Variants in SORCS2 observed in about 807,000 individuals in gnomAD.
SORCS2 encodes VPS10 domain-containing receptor SorCS2.
A neutral mutation model predicts 141.6 loss-of-function variants in SORCS2; 100 were observed. That is an observed-to-expected ratio of 0.71 (90% CI 0.60 to 0.83). The LOEUF (loss-of-function observed/expected upper bound fraction) is 0.83, where lower values mean the gene tolerates loss of function less well. Ranked by LOEUF, SORCS2 falls within the 40% of genes least tolerant of loss-of-function variation. The probability of loss-of-function intolerance (pLI) is 0.00; values close to 1 mark genes in which losing one functional copy is unlikely to be tolerated. For synonymous variants in SORCS2, 789 were observed against 676.9 expected (o/e 1.17, Z -2.57); for missense variants, 1,646 against 1,560.2 (o/e 1.05, Z -0.93).
In SORCS2 at chr4:7,697,205, G is replaced by A. The variant is rs368360052; in HGVS notation, c.1599G>A (p.Leu533=). ...APGLIMGAGN[L]GSQLVEYKEE... Reference sequence around the variant, plus strand: ...CCTTTTCTTTTGGACCAGGTAACCTGGGCTCACAGCTGGTGGAATATAAAG... The same window carrying A: ...CCTTTTCTTTTGGACCAGGTAACCTAGGCTCACAGCTGGTGGAATATAAAG... The change falls in exon 12 of 27, where the codon CTG becomes CTA. Residue 533 remains leucine (L), a synonymous_variant. Transcript: ENST00000507866. The A allele has an allele frequency of 4.0e-5, 64 of 1,581,872 alleles. No homozygotes were observed. The African/African-American group carries it at 7.3e-4, about 18-fold the overall frequency.
At chr4:7,256,863 A>G (rs964775064) in intron 1 of SORCS2, among the ~76,000 whole-genome samples, 1 of 151,892 alleles carries the variant, frequency 6.6e-6, no homozygotes, top group Admixed American at 6.6e-5. Context: ...ATAGGGCTGG[A>G]TGGGTTTGGG....
At chr4:7,264,723 A>G (rs1714604289) in intron 1 of SORCS2, among the ~76,000 whole-genome samples, 1 of 152,148 alleles carries the variant, frequency 6.6e-6, no homozygotes, top group Admixed American at 6.5e-5. Flanking sequence ...CCCTATGGAA[A>G]GCCCCTCACC....
At chr4:7,733,998 G>A (rs1711934497) in intron 24 of SORCS2, among the ~76,000 whole-genome samples, 1 of 151,902 alleles carries the variant, frequency 6.6e-6, no homozygotes, top group Non-Finnish European at 1.5e-5. Context: ...CTGTGGCAGG[G>A]ACAGGCAGGG....
At chr4:7,666,825 C>G (rs1370305952) in intron 7 of SORCS2, among the ~76,000 whole-genome samples, 1 of 152,102 alleles carries the variant, frequency 6.6e-6, no homozygotes, top group Non-Finnish European at 1.5e-5. Flanking sequence ...GTCTCCTTCT[C>G]CATCGGAACT....
chr4:7,266,407 C>A (rs1319988926), intron 1 of SORCS2, among the ~76,000 whole-genome samples: 1 of 152,216 alleles, frequency 6.6e-6, no homozygotes, highest in East Asian at 1.9e-4. Flanking sequence ...CCGTCCTGCC[C>A]TCCTCCCTTC....
chr4:7,602,220 G>T (rs1347230995), intron 3 of SORCS2, among the ~76,000 whole-genome samples: 1 of 148,994 alleles, frequency 6.7e-6, no homozygotes, highest in Non-Finnish European at 1.5e-5. Context: ...GGGCAGAGGG[G>T]CCCTCACCTC....
chr4:7,619,675 A>C (rs1023539118), intron 3 of SORCS2, among the ~76,000 whole-genome samples: 3 of 152,108 alleles, frequency 2.0e-5, no homozygotes, highest in Non-Finnish European at 2.9e-5. Flanking sequence ...CCCTCTCCCA[A>C]GTCCTTAGGA....
intron 11 of SORCS2, among the ~76,000 whole-genome samples, chr4:7,691,328 G>C (rs1026103094): frequency 6.6e-6 from 1 of 152,208 alleles, no homozygotes; most frequent in Non-Finnish European, 1.5e-5. Context: ...ACAAGTGAAA[G>C]AGCGGCCATG....
chr4:7,681,071 C>T (rs1054146742), intron 9 of SORCS2, among the ~76,000 whole-genome samples: 1 of 152,182 alleles, frequency 6.6e-6, no homozygotes, highest in African/African-American at 2.4e-5. Flanking sequence ...TGAATGAATG[C>T]TGTAATGAGA....
intron 5 of SORCS2, among the ~76,000 whole-genome samples, chr4:7,657,981 G>C (rs1721909031): frequency 6.6e-6 from 1 of 151,960 alleles, no homozygotes; most frequent in Non-Finnish European, 1.5e-5. Context: ...GACTGAGTGA[G>C]TCTGTGATTG....
intron 5 of SORCS2, among the ~76,000 whole-genome samples, chr4:7,658,985 G>T (rs561704913): frequency 1.3e-5 from 2 of 152,334 alleles, no homozygotes; most frequent in Admixed American, 6.5e-5. Context: ...GGCTCAGTTT[G>T]CTCTTGGGCA....
intron 12 of SORCS2, among the ~76,000 whole-genome samples, chr4:7,701,317 C>G (rs567758974): frequency 2.7e-4 from 41 of 152,226 alleles, no homozygotes; most frequent in African/African-American, 9.9e-4. Flanking sequence ...GACATAGCTG[C>G]TCACCCTCCA....
intron 2 of SORCS2, among the ~76,000 whole-genome samples, chr4:7,458,589 C>T (rs1237270966): frequency 6.6e-6 from 1 of 152,244 alleles, no homozygotes; most frequent in African/African-American, 2.4e-5. Context: ...TTGTTAAACA[C>T]CTTTGCCTAA....
At position 7,556,595 on chromosome 4, in the gene SORCS2, C is replaced by A. The variant is rs539926686; in HGVS notation, c.648+24966C>A. Among the ~76,000 whole-genome samples, 13 of 152,238 alleles carry A rather than the reference C, an allele frequency of 8.5e-5. No homozygotes were observed. In the East Asian group the frequency reaches 2.5e-3, roughly 29 times the overall value. On this transcript the variant is annotated intron_variant, in intron 3 of 26. Transcript: ENST00000507866. ...CACTTTTCATAAGAGTATATGTATG[C>A]TTGAAACATGTAGTCATGTAACTAG... is the stretch of plus-strand genomic sequence containing the variant.
At chr4:7,522,110 G>A (rs1733364291) in intron 2 of SORCS2, among the ~76,000 whole-genome samples, 1 of 152,186 alleles carries the variant, frequency 6.6e-6, no homozygotes, top group Non-Finnish European at 1.5e-5. Context: ...AAAATCCTAA[G>A]TCTCAGAAAG....
intron 3 of SORCS2, among the ~76,000 whole-genome samples, chr4:7,636,725 C>T (rs540584582): frequency 2.0e-4 from 31 of 152,156 alleles, no homozygotes; most frequent in African/African-American, 6.5e-4. Context: ...CCCTTCCTCA[C>T]GCCTCCCTAG....
At chr4:7,347,697 T>C (rs1328642317) in intron 1 of SORCS2, among the ~76,000 whole-genome samples, 1 of 152,234 alleles carries the variant, frequency 6.6e-6, no homozygotes, top group Non-Finnish European at 1.5e-5. Context: ...GACACTTTCC[T>C]CTGATATTAA....
intron 2 of SORCS2, among the ~76,000 whole-genome samples, chr4:7,408,086 C>T (rs1725084770): frequency 6.6e-6 from 1 of 152,080 alleles, no homozygotes; most frequent in Non-Finnish European, 1.5e-5. Context: ...GGGCTTCATA[C>T]TAGAGTTATG....
intron 2 of SORCS2, among the ~76,000 whole-genome samples, chr4:7,416,799 C>CAG (rs1725719771): frequency 6.6e-6 from 1 of 151,962 alleles, no homozygotes; most frequent in East Asian, 1.9e-4. Flanking sequence ...TGTGCACACA[C>CAG]AAACATGCAT....
Sources: allele counts gnomAD v4.1 joint callset (sites outside exome capture counted in the v4.1 genomes callset), GRCh38; gene constraint gnomAD v4.1.1; transcripts MANE v1.5; gene names NCBI Gene and HGNC (gene_info 2026-07-23, HGNC 2026-07-21).